WHRN: variants seen among roughly 807,000 people sequenced by gnomAD.
WHRN encodes the protein CASK-interacting protein CIP98.
In WHRN, 41 loss-of-function variants were observed where a neutral mutation model predicts 68.3. The observed-to-expected ratio is 0.60, with a 90% CI of 0.47 to 0.78. WHRN has a LOEUF of 0.78. Ranked by LOEUF, WHRN falls within the 30% of genes least tolerant of loss-of-function variation. The pLI is 0.00. For synonymous variants in WHRN, 560 were observed against 561.3 expected (o/e 1.00, Z 0.03); for missense variants, 1,243 against 1,244.7 (o/e 1.00, Z 0.02).
At chr9:114,423,183 G>A (rs1474726578) in intron 7 of WHRN, 131 bp downstream of exon 7, 3 of 960,568 alleles carry the variant, frequency 3.1e-6, no homozygotes, top group Non-Finnish European at 3.3e-6. Flanking sequence ...AGAAACTGAG[G>A]CTCAGAGAGG....
chr9:114,460,188 T>C (rs191326414), intron 3 of WHRN, among the ~76,000 whole-genome samples: 1 of 152,330 alleles, frequency 6.6e-6, no homozygotes, highest in Admixed American at 6.5e-5. Context: ...TGCAGCCTTT[T>C]GATATTTAAT....
chr9:114,439,768 G>A (rs908824954), intron 3 of WHRN, among the ~76,000 whole-genome samples: 8 of 152,040 alleles, frequency 5.3e-5, no homozygotes, highest in African/African-American at 1.9e-4. Flanking sequence ...GAATTTTTTT[G>A]GAGATTTGTG....
rs749433283 is a variant in WHRN at position 114,423,403 on chromosome 9, C to A, written c.1537G>T (p.Ala513Ser). Residue 513 changes from alanine to serine, a missense_variant, in exon 7 of 12, where the codon GCT becomes TCT. Coordinates refer to ENST00000362057, the MANE Select transcript of WHRN (RefSeq NM_015404.4). ...GAGACCATGGAGTAGGTGTCCCCAG[C>A]CCCGGGGCCTGGGGGCTGCCGCGCC... ...MKARQPPGPGAGDTYSMVSYS... is the reference protein window; with the variant it reads ...MKARQPPGPGSGDTYSMVSYS... The A allele has an allele frequency of 1.9e-6, 3 of 1,614,092 alleles. No homozygotes were observed. The highest frequency in any genetic ancestry group is 2.5e-6 in the Non-Finnish European group (3 of 1,180,002).
chr9:114,445,807 C>T (rs1206023489), intron 3 of WHRN, among the ~76,000 whole-genome samples: 3 of 152,134 alleles, frequency 2.0e-5, no homozygotes, highest in Non-Finnish European at 4.4e-5. Context: ...GGCTTGGAGG[C>T]GTTTAATCTC....
intron 3 of WHRN, among the ~76,000 whole-genome samples, chr9:114,461,568 T>A (rs1840249232): frequency 6.6e-6 from 1 of 152,198 alleles, no homozygotes; most frequent in African/African-American, 2.4e-5. Flanking sequence ...AGGCATCTTC[T>A]CCCCACCTGG....
intron 3 of WHRN, among the ~76,000 whole-genome samples, chr9:114,431,634 T>C (rs2132474291): frequency 6.6e-6 from 1 of 152,134 alleles, no homozygotes; most frequent in Non-Finnish European, 1.5e-5. Context: ...GGAGGCAGCA[T>C]GTTTAAAGAT....
chr9:114,415,973 T>A (rs1835788210), intron 7 of WHRN, among the ~76,000 whole-genome samples: 1 of 151,870 alleles, frequency 6.6e-6, no homozygotes, highest in Admixed American at 6.6e-5. Context: ...AGCCTGAGCT[T>A]CTCCCAGTTC....
chr9:114,440,940 C>G (rs1838318881), intron 3 of WHRN, among the ~76,000 whole-genome samples: 1 of 152,148 alleles, frequency 6.6e-6, no homozygotes, highest in African/African-American at 2.4e-5. Flanking sequence ...GCTGGAAGTT[C>G]TCCCAAGAAG....
chr9:114,426,725 G>C (rs573938487), intron 3 of WHRN, among the ~76,000 whole-genome samples: 1 of 152,274 alleles, frequency 6.6e-6, no homozygotes, highest in South Asian at 2.1e-4. Context: ...GTCATCTCAG[G>C]GCCAAGGTGG....
Position 114,478,683 on chromosome 9 carries a change from C to A in WHRN, c.707G>T (p.Trp236Leu). 6.2e-7 allele frequency: 1 copy of A among 1,613,180 alleles called. No individual in the cohort carries two copies. The change falls in exon 2 of 12, where the codon TGG becomes TTG. Residue 236 changes from tryptophan to leucine, a missense_variant. Physicochemically the swap from Trp to Leu is moderately conservative, Grantham distance 61 (BLOSUM62 -2). Coordinates refer to ENST00000362057, the MANE Select transcript of WHRN (RefSeq NM_015404.4). ...GATGCTGCGGCCCTGCGGGTCCACC[C>A]AGGTGTAGATGTGGTTGGTGACGTA... ...GGYVTNHIYT[W>L]VDPQGRSISP...
chr9:114,426,332 A>C lies in WHRN; in HGVS notation c.1045T>G (p.Ser349Ala). Residue 349 changes from serine (S) to alanine (A), a missense_variant, in exon 4 of 12, where the codon TCT becomes GCT. Coordinates refer to ENST00000362057, the MANE Select transcript of WHRN (RefSeq NM_015404.4). ...HDEAVRLLKS[S>A]RHLILTVKDV... Reference sequence around the variant, plus strand: ...TTCACTGTCAGGATGAGGTGCCGAGATGACTTAAGCAGCCTGACAGCCTCG... The same window carrying C: ...TTCACTGTCAGGATGAGGTGCCGAGCTGACTTAAGCAGCCTGACAGCCTCG... The C allele has an allele frequency of 6.2e-7, 1 of 1,614,002 alleles. No homozygotes were observed. Among genetic ancestry groups the C allele is most frequent in the South Asian group, 1.1e-5 (1 of 91,074 alleles).
At chr9:114,436,381 CTCA>C (rs1230550036) in intron 3 of WHRN, among the ~76,000 whole-genome samples, 1 of 152,098 alleles carries the variant, frequency 6.6e-6, no homozygotes, top group Non-Finnish European at 1.5e-5. Context: ...TCCATATTTG[CTCA>C]TCAACTGTAA....
At chr9:114,450,184 G>A (rs929825794) in intron 3 of WHRN, among the ~76,000 whole-genome samples, 1 of 152,154 alleles carries the variant, frequency 6.6e-6, no homozygotes, top group Non-Finnish European at 1.5e-5. Flanking sequence ...CTGGACCTCA[G>A]CAAGGACAAG....
intron 3 of WHRN, among the ~76,000 whole-genome samples, chr9:114,442,738 C>T (rs959961057): frequency 6.6e-6 from 1 of 152,164 alleles, no homozygotes; most frequent in African/African-American, 2.4e-5. Context: ...TCTCCTTTGC[C>T]TTCTGCCATA....
chr9:114,437,805 T>G (rs1050937688), intron 3 of WHRN, among the ~76,000 whole-genome samples: 1 of 152,174 alleles, frequency 6.6e-6, no homozygotes, highest in Non-Finnish European at 1.5e-5. Context: ...GGTATTTTAG[T>G]CAGCCTAAGC....
At chr9:114,435,865 T>C (rs996349657) in intron 3 of WHRN, among the ~76,000 whole-genome samples, 1 of 150,446 alleles carries the variant, frequency 6.6e-6, no homozygotes, top group Admixed American at 6.7e-5. Context: ...ACAACACCTA[T>C]ATGAAGAAAA....
rs2132209805 is a variant in WHRN at position 114,406,468 on chromosome 9, G to A, written c.2123C>T (p.Pro708Leu). 6.2e-7 allele frequency: 1 copy of A among 1,614,176 alleles called. No individual in the cohort carries two copies. Reference sequence around the variant, plus strand: ...GCCTGTCTGGTCTGGGTGGCCAGAGGGTGATGGGGGCAGAAGGCAGCCCCC... The same window carrying A: ...GCCTGTCTGGTCTGGGTGGCCAGAGAGTGATGGGGGCAGAAGGCAGCCCCC... ...VAGGCLLPPS[P>L]SGHPDQTGTN... Residue 708 changes from proline (P) to leucine (L), a missense_variant, in exon 9 of 12, where the codon CCC becomes CTC. Transcript: ENST00000362057.
At chr9:114,452,979 G>A (rs940279893) in intron 3 of WHRN, among the ~76,000 whole-genome samples, 3 of 152,194 alleles carry the variant, frequency 2.0e-5, no homozygotes, top group Admixed American at 6.5e-5. Context: ...TGGGAGGCGA[G>A]AGCAAGCCTG....
chr9:114,459,798 C>G (rs1840099667), intron 3 of WHRN, among the ~76,000 whole-genome samples: 1 of 152,216 alleles, frequency 6.6e-6, no homozygotes, highest in South Asian at 2.1e-4. Context: ...TAAAATCAGC[C>G]ATAATCACAA....
Sources: allele counts gnomAD v4.1 joint callset (sites outside exome capture counted in the v4.1 genomes callset), GRCh38; gene constraint gnomAD v4.1.1; transcripts MANE v1.5; gene names NCBI Gene and HGNC (gene_info 2026-07-23, HGNC 2026-07-21).